Variants in NLGN1 observed in about 807,000 individuals in gnomAD.
NLGN1 encodes the protein neuroligin-1.
A neutral mutation model predicts 65.5 loss-of-function variants in NLGN1; 12 were observed. That is an observed-to-expected ratio of 0.18 (90% confidence interval 0.12 to 0.30). The LOEUF (loss-of-function observed/expected upper bound fraction) is 0.30, where lower values mean the gene tolerates loss of function less well. NLGN1 is among the 10% of genes least tolerant of loss of function. The pLI, the probability that NLGN1 is intolerant of heterozygous loss-of-function variation, is 1.00. For missense variants in NLGN1, 750 were observed against 1,007.1 expected, an observed-to-expected ratio of 0.74 and a Z score of 3.46; for synonymous variants, 350 against 359.5, an observed-to-expected ratio of 0.97 and a Z score of 0.30.
At chr3:173,503,474 C>A (rs1000809170) in intron 2 of NLGN1, among the ~76,000 whole-genome samples, 5 of 152,044 alleles carry the variant, frequency 3.3e-5, no homozygotes, top group Non-Finnish European at 7.4e-5. Flanking sequence ...TTCTTGACAT[C>A]TGATAATTTA....
At chr3:174,249,957 A>T (rs967317502) in intron 4 of NLGN1, among the ~76,000 whole-genome samples, 3 of 152,212 alleles carry the variant, frequency 2.0e-5, no homozygotes, top group African/African-American at 7.2e-5. Flanking sequence ...TGTAGCTTGG[A>T]TGATTTGTTA....
intron 1 of NLGN1, among the ~76,000 whole-genome samples, chr3:173,406,336 A>G (rs1718647216): frequency 6.6e-6 from 1 of 151,724 alleles, no homozygotes; most frequent in Non-Finnish European, 1.5e-5. Flanking sequence ...TTCTTCTTTA[A>G]AAGAATTATC....
At chr3:174,131,575 G>A (rs1311762542) in intron 4 of NLGN1, among the ~76,000 whole-genome samples, 1 of 152,060 alleles carries the variant, frequency 6.6e-6, no homozygotes, top group Non-Finnish European at 1.5e-5. Context: ...CACCCATTAT[G>A]TTATATGAAG....
At chr3:174,006,399 T>C (rs890261552) in intron 4 of NLGN1, among the ~76,000 whole-genome samples, 1 of 152,202 alleles carries the variant, frequency 6.6e-6, no homozygotes, top group Non-Finnish European at 1.5e-5. Flanking sequence ...TCCACACGTA[T>C]CCCTGTCTTT....
chr3:173,581,132 G>C (rs1180593187), intron 2 of NLGN1, among the ~76,000 whole-genome samples: 1 of 152,100 alleles, frequency 6.6e-6, no homozygotes, highest in African/African-American at 2.4e-5. Context: ...ATTCAGAATA[G>C]TTGAAAATTG....
At chr3:174,108,403 G>A (rs943278914) in intron 4 of NLGN1, among the ~76,000 whole-genome samples, 1 of 151,864 alleles carries the variant, frequency 6.6e-6, no homozygotes, top group Non-Finnish European at 1.5e-5. Flanking sequence ...TGCACTCCCT[G>A]GTATTTCCAG....
chr3:173,951,800 A>T (rs1250299116), intron 4 of NLGN1, among the ~76,000 whole-genome samples: 1 of 152,070 alleles, frequency 6.6e-6, no homozygotes, highest in Non-Finnish European at 1.5e-5. Flanking sequence ...CCTATATAAT[A>T]CGTCTTAGTG....
intron 4 of NLGN1, among the ~76,000 whole-genome samples, chr3:174,241,698 G>C (rs1444255383): frequency 8.6e-5 from 13 of 150,402 alleles, no homozygotes; most frequent in Non-Finnish European, 2.9e-5. Context: ...CTGTCCCCCA[G>C]GCTGGAGTGC....
intron 4 of NLGN1, among the ~76,000 whole-genome samples, chr3:173,978,285 G>A (rs1287809669): frequency 6.6e-6 from 1 of 152,030 alleles, no homozygotes; most frequent in Non-Finnish European, 1.5e-5. Context: ...AAATTGGATA[G>A]GAGATAAGTA....
intron 4 of NLGN1, among the ~76,000 whole-genome samples, chr3:174,111,303 T>C (rs1015061073): frequency 6.6e-6 from 1 of 151,920 alleles, no homozygotes; most frequent in Non-Finnish European, 1.5e-5. Context: ...TAGTTAATTC[T>C]TATCTGAATT....
At chr3:174,168,072 G>A (rs1727862568) in intron 4 of NLGN1, among the ~76,000 whole-genome samples, 1 of 151,984 alleles carries the variant, frequency 6.6e-6, no homozygotes, top group African/African-American at 2.4e-5. Context: ...TCCAGAAACT[G>A]AGATTTATTT....
intron 3 of NLGN1, among the ~76,000 whole-genome samples, chr3:173,643,872 G>A (rs1757796201): frequency 6.6e-6 from 1 of 152,236 alleles, no homozygotes; most frequent in South Asian, 2.1e-4. Context: ...ACTGGTACAG[G>A]TGTGTGCCAC....
At chr3:174,033,199 C>A (rs1730408107) in intron 4 of NLGN1, among the ~76,000 whole-genome samples, 1 of 152,048 alleles carries the variant, frequency 6.6e-6, no homozygotes, top group African/African-American at 2.4e-5. Context: ...AAGACACAGA[C>A]TTTCTCTGAG....
At chr3:173,653,865 GA>G (rs1397679647) in intron 3 of NLGN1, among the ~76,000 whole-genome samples, 1 of 152,064 alleles carries the variant, frequency 6.6e-6, no homozygotes, top group Admixed American at 6.6e-5. Flanking sequence ...AACCTCTTAG[GA>G]CCCAGACACC....
chr3:173,476,126 C>A (rs928743999), intron 2 of NLGN1, among the ~76,000 whole-genome samples: 1 of 152,152 alleles, frequency 6.6e-6, no homozygotes, highest in African/African-American at 2.4e-5. Context: ...ACTAACATCC[C>A]AAGTGGCCAG....
In NLGN1 at chr3:173,972,277, T is replaced by G. The variant is rs573569491; in HGVS notation, c.646+164445T>G. On this transcript the variant is annotated intron_variant, in intron 4 of 6. Transcript: ENST00000457714. ...GGAGAAGAGTTTAGAGTTTTGATTA[T>G]TCTTTAGGGCTGGCTTACTACTTTA... Among the ~76,000 whole-genome samples the G allele has an allele frequency of 3.3e-5, 5 of 152,200 alleles. No individual in the cohort carries two copies. The South Asian group carries it at 1.0e-3, about 32-fold the overall frequency.
intron 2 of NLGN1, among the ~76,000 whole-genome samples, chr3:173,520,120 C>T (rs1372044894): frequency 1.3e-5 from 2 of 152,160 alleles, no homozygotes; most frequent in East Asian, 3.9e-4. Flanking sequence ...TGCCTGCTTC[C>T]CCTTTGCCTT....
chr3:173,866,710 T>C (rs1730251254), intron 4 of NLGN1, among the ~76,000 whole-genome samples: 1 of 152,212 alleles, frequency 6.6e-6, no homozygotes, highest in Non-Finnish European at 1.5e-5. Flanking sequence ...CCTGTGTTAA[T>C]ACATAGCCAC....
At chr3:173,398,000 G>C (rs1016938235), upstream of NLGN1, 1 of 152,298 alleles carries the variant, frequency 6.6e-6, no homozygotes, top group Admixed American at 6.5e-5. Flanking sequence ...AGTCACTGCA[G>C]CTCTTCACCC....
Sources: allele counts gnomAD v4.1 joint callset (sites outside exome capture counted in the v4.1 genomes callset), GRCh38; gene constraint gnomAD v4.1.1; transcripts MANE v1.5; gene names NCBI Gene and HGNC (gene_info 2026-07-23, HGNC 2026-07-21).